The following TSHZ2 variants were observed in gnomAD, a reference collection of about 807,000 sequenced individuals.
TSHZ2 encodes the protein teashirt zinc finger homeobox 2.
TSHZ2 carries 21 observed loss-of-function variants against 74.4 expected under a neutral mutation model. The observed-to-expected ratio is 0.28, with a 90% CI of 0.20 to 0.41. The LOEUF (loss-of-function observed/expected upper bound fraction) is 0.41, where lower values mean the gene tolerates loss of function less well. Ranked by LOEUF, TSHZ2 falls within the 10% of genes least tolerant of loss-of-function variation. TSHZ2 has a pLI of 1.00. For missense variants in TSHZ2, 1,244 were observed against 1,293.5 expected, an observed-to-expected ratio of 0.96 and a Z score of 0.59; for synonymous variants, 540 against 515.3, an observed-to-expected ratio of 1.05 and a Z score of -0.65.
At chr20:53,348,871 G>T (rs2145582526) in intron 2 of TSHZ2, among the ~76,000 whole-genome samples, 1 of 152,304 alleles carries the variant, frequency 6.6e-6, no homozygotes, top group Middle Eastern at 3.4e-3. Context: ...TGACTGCAAA[G>T]ATTTTTGCAA....
At chr20:53,087,904 G>T (rs1369237548) in intron 1 of TSHZ2, among the ~76,000 whole-genome samples, 1 of 152,128 alleles carries the variant, frequency 6.6e-6, no homozygotes, top group Non-Finnish European at 1.5e-5. Context: ...GTGATTTTTG[G>T]ACTAATGCTC....
intron 2 of TSHZ2, among the ~76,000 whole-genome samples, chr20:53,375,666 C>T (rs1981633543): frequency 6.6e-6 from 1 of 152,172 alleles, no homozygotes; most frequent in Non-Finnish European, 1.5e-5. Context: ...TATGGGTGTT[C>T]TCCTTCCCTG....
intron 2 of TSHZ2, among the ~76,000 whole-genome samples, chr20:53,417,109 G>A (rs1983280863): frequency 6.6e-6 from 1 of 152,082 alleles, no homozygotes; most frequent in African/African-American, 2.4e-5. Flanking sequence ...GACTCTCAAA[G>A]CTGTCTCCTA....
chr20:53,235,000 G>A (rs745757814), intron 1 of TSHZ2, among the ~76,000 whole-genome samples: 1 of 152,022 alleles, frequency 6.6e-6, no homozygotes, highest in Non-Finnish European at 1.5e-5. Flanking sequence ...AAGGTGGCAT[G>A]AGAGGTGCCC....
At chr20:53,449,914 T>C (rs773783773) in intron 2 of TSHZ2, among the ~76,000 whole-genome samples, 5 of 152,240 alleles carry the variant, frequency 3.3e-5, no homozygotes, top group Non-Finnish European at 7.3e-5. Flanking sequence ...GTGCTTTGCA[T>C]TCTACTTTCT....
intron 2 of TSHZ2, among the ~76,000 whole-genome samples, chr20:53,437,795 T>C (rs911569494): frequency 3.9e-5 from 6 of 152,232 alleles, no homozygotes; most frequent in African/African-American, 1.4e-4. Flanking sequence ...CTTACTCTGT[T>C]GGTTCACACC....
chr20:53,101,170 G>T (rs556017671), intron 1 of TSHZ2, among the ~76,000 whole-genome samples: 1 of 152,272 alleles, frequency 6.6e-6, no homozygotes, highest in African/African-American at 2.4e-5. Context: ...AATCCTAAAA[G>T]AGATGTTTTG....
Position 53,494,394 on chromosome 20 carries a change from C to G in TSHZ2, c.*7259C>G, listed in dbSNP as rs1986527701. ...ATCATGAACAATCTGATCTTGAACT[C>G]CCACATAACTTAAATCAGGCAAAAA... On this transcript the variant is annotated 3_prime_UTR_variant, in exon 3 of 3. Coordinates refer to ENST00000371497, the MANE Select transcript of TSHZ2 (RefSeq NM_173485.6). 1 of 152,118 alleles carries G rather than the reference C, an allele frequency of 6.6e-6. No homozygotes were observed. The highest frequency in any genetic ancestry group is 2.4e-5 in the African/African-American group (1 of 41,410). The allele number at this position is 152,118 out of a possible 1,614,324, so 9.4% of individuals were successfully genotyped here.
At chr20:53,338,363 A>G (rs998324956) in intron 2 of TSHZ2, among the ~76,000 whole-genome samples, 4 of 152,296 alleles carry the variant, frequency 2.6e-5, no homozygotes, top group Admixed American at 1.3e-4. Context: ...TCGCCTCTCC[A>G]AGGAGGGTCT....
chr20:52,998,618 A>C (rs1481688449), intron 1 of TSHZ2, among the ~76,000 whole-genome samples: 1 of 152,076 alleles, frequency 6.6e-6, no homozygotes, highest in Non-Finnish European at 1.5e-5. Flanking sequence ...CATATACCTC[A>C]CTGCCTTGCT....
intron 2 of TSHZ2, among the ~76,000 whole-genome samples, chr20:53,322,188 G>A (rs1482047140): frequency 2.6e-5 from 4 of 152,166 alleles, no homozygotes; most frequent in Non-Finnish European, 5.9e-5. Context: ...ATAACATCTA[G>A]TGTTACAAGG....
At chr20:53,360,332 A>G (rs1981004071) in intron 2 of TSHZ2, among the ~76,000 whole-genome samples, 1 of 152,228 alleles carries the variant, frequency 6.6e-6, no homozygotes, top group Non-Finnish European at 1.5e-5. Context: ...TAATTTACAC[A>G]GTACTAGAAT....
intron 2 of TSHZ2, among the ~76,000 whole-genome samples, chr20:53,329,546 C>T (rs1979633989): frequency 6.6e-6 from 1 of 151,958 alleles, no homozygotes; most frequent in South Asian, 2.1e-4. Flanking sequence ...TTTACTGGCA[C>T]AGCTGACCGT....
chr20:53,182,739 A>G (rs117782264), intron 1 of TSHZ2, among the ~76,000 whole-genome samples: 130 of 152,268 alleles, frequency 8.5e-4, no homozygotes, highest in Middle Eastern at 3.4e-3. Flanking sequence ...TTGTTCCCAG[A>G]ATGTTTAAAG....
At chr20:53,139,570 CTG>C (rs1987336932) in intron 1 of TSHZ2, among the ~76,000 whole-genome samples, 1 of 152,202 alleles carries the variant, frequency 6.6e-6, no homozygotes, top group African/African-American at 2.4e-5. Flanking sequence ...CAATCTAATT[CTG>C]TGTTACTGGC....
intron 1 of TSHZ2, among the ~76,000 whole-genome samples, chr20:53,022,791 G>T (rs1409516769): frequency 6.6e-6 from 1 of 152,174 alleles, no homozygotes; most frequent in Admixed American, 6.5e-5. Context: ...AACATATGTG[G>T]TTGACTAAAA....
At chr20:53,409,985 T>A (rs1380122203) in intron 2 of TSHZ2, among the ~76,000 whole-genome samples, 1 of 151,872 alleles carries the variant, frequency 6.6e-6, no homozygotes, top group African/African-American at 2.4e-5. Flanking sequence ...TACCTGGGAT[T>A]ACAGGTGCAT....
intron 1 of TSHZ2, among the ~76,000 whole-genome samples, chr20:53,113,432 T>G (rs956014598): frequency 6.6e-6 from 1 of 152,244 alleles, no homozygotes; most frequent in African/African-American, 2.4e-5. Context: ...TTATTGTAGT[T>G]TATCGCTGTT....
At chr20:53,079,549 A>T (rs1985466334) in intron 1 of TSHZ2, among the ~76,000 whole-genome samples, 1 of 152,238 alleles carries the variant, frequency 6.6e-6, no homozygotes, top group African/African-American at 2.4e-5. Flanking sequence ...TCAGGAATGC[A>T]GAGACTTCAA....
Sources: allele counts gnomAD v4.1 joint callset (sites outside exome capture counted in the v4.1 genomes callset), GRCh38; gene constraint gnomAD v4.1.1; transcripts MANE v1.5; gene names NCBI Gene and HGNC (gene_info 2026-07-23, HGNC 2026-07-21).